Variants in NAALADL1 observed in about 807,000 individuals in gnomAD.
NAALADL1 encodes the protein N-acetylated alpha-linked acidic dipeptidase like 1, also known as aminopeptidase NAALADL1.
A neutral mutation model predicts 82.8 loss-of-function variants in NAALADL1; 77 were observed. The observed-to-expected ratio is 0.93, with a 90% CI of 0.77 to 1.12. The LOEUF is 1.12. Ranked by LOEUF, NAALADL1 falls within the 50% of genes most tolerant of loss-of-function variation. The pLI is 0.00. For synonymous variants in NAALADL1, 358 were observed against 399.2 expected (o/e 0.90, Z 1.23); for missense variants, 956 against 964.0 (o/e 0.99, Z 0.11).
chr11:65,047,739 C>G lies in NAALADL1; in HGVS notation c.1417-1G>C. The G allele has an allele frequency of 6.3e-7, 1 of 1,598,220 alleles. No individual in the cohort carries two copies. On this transcript the variant is annotated splice_acceptor_variant, in intron 11 of 17. Transcript: ENST00000358658. LOFTEE classifies it high-confidence loss of function. ...GGTCGCCAGGGCCTGGTGAGCGGAT[C>G]TGGCCGGAAGGAGAATTTAGTCTCG...
At position 65,047,466 on chromosome 11, in the gene NAALADL1, C is replaced by T. The variant is rs1311822877; in HGVS notation, c.1599+9G>A. ...GTACCGAGGCAGGGACGGAGGGGCG[C>T]CTGCTCACCCGGTCATAGGTATAGG... On this transcript the variant is annotated intron_variant, in intron 13 of 17. Transcript: ENST00000358658. The T allele has an allele frequency of 6.4e-7, 1 of 1,556,016 alleles. No homozygotes were observed. The highest frequency in any genetic ancestry group is 2.4e-5 in the East Asian group (1 of 41,424).
At chr11:65,051,397 T>C (rs554618920) in intron 8 of NAALADL1, among the ~76,000 whole-genome samples, 72 of 144,214 alleles carry the variant, frequency 5.0e-4, no homozygotes, top group African/African-American at 1.8e-3. Context: ...AGTGCAGTAG[T>C]GTGATCACGG....
At chr11:65,046,424 G>T (rs768178232) in intron 14 of NAALADL1, 21 bp downstream of exon 14, 2 of 1,614,152 alleles carry the variant, frequency 1.2e-6, no homozygotes, top group Admixed American at 1.7e-5. Flanking sequence ...GTCTCAGGAT[G>T]CCCCTTGTCT....
rs753725348 is a variant in NAALADL1, at chr11:65,045,472, G to T, written c.2037-15C>A. ...AGAGCACATGGCTGACAAGAGAAAT[G>T]GGACAGGATCAGGGTCAGTCAGTCA... On this transcript the variant is annotated splice_polypyrimidine_tract_variant and intron_variant, in intron 17 of 17. Transcript: ENST00000358658. 1.3e-6 allele frequency: 2 copies of T among 1,592,152 alleles called. No individual in the cohort carries two copies. The highest frequency in any genetic ancestry group is 1.7e-6 in the Non-Finnish European group (2 of 1,166,674).
At chr11:65,047,922 G>A in intron 11 of NAALADL1, 59 bp downstream of exon 11, 2 of 198,518 alleles carry the variant, frequency 1.0e-5, no homozygotes, top group South Asian at 5.4e-5. Flanking sequence ...TAGCGGCCCC[G>A]TCCGCCGCAC....
chr11:65,056,388 TTTTG>T lies in NAALADL1; in HGVS notation c.603+979_603+982del, dbSNP rs1010718022. ...TCTCATTCTACTCTTTTTATATTAA[TTTTG>T]TTTGTTTGTTTGTTTTTTGTTTTTA... On this transcript the variant is annotated intron_variant, in intron 4 of 17. Coordinates refer to ENST00000358658, the MANE Select transcript of NAALADL1 (RefSeq NM_005468.3). Among the ~76,000 whole-genome samples, 16 of 152,076 alleles carry T rather than the reference TTTTG, an allele frequency of 1.1e-4. No homozygotes were observed. In the East Asian group the frequency reaches 1.9e-3, roughly 18 times the overall value.
chr11:65,058,407 C>A lies in NAALADL1; in HGVS notation c.115G>T (p.Asp39Tyr). 6.2e-7 allele frequency: 1 copy of A among 1,614,150 alleles called. No individual in the cohort carries two copies. Among genetic ancestry groups the A allele is most frequent in the East Asian group, 2.2e-5 (1 of 44,884 alleles). The change falls in exon 1 of 18, where the codon GAC becomes TAC. Residue 39 changes from aspartate (D) to tyrosine (Y), a missense_variant. By Grantham distance (160) the Asp-to-Tyr change is radical. Transcript: ENST00000358658. ...PKKANSLAPQ[D>Y]LDLEILETVM... is the part of the protein sequence containing the mutation. ...GTCTCCAGGATCTCCAGGTCCAGGT[C>A]CTGGGGGGCCAGTGAGTTGGCTTTT...
intron 3 of NAALADL1, 61 bp from the exon 4 acceptor site, chr11:65,057,554 G>A: frequency 1.3e-6 from 2 of 1,563,112 alleles, no homozygotes; most frequent in Non-Finnish European, 8.7e-7. Flanking sequence ...TGGGGAAGGG[G>A]GGTGGAAGTT....
At position 65,045,291 on chromosome 11, in the gene NAALADL1, T is replaced by C; in HGVS notation, c.2203A>G (p.Arg735Gly). Residue 735 changes from arginine to glycine, a missense_variant, in exon 18 of 18, where the codon AGG (arginine) becomes GGG (glycine). By Grantham distance (125) the Arg-to-Gly change is moderately radical. Coordinates refer to ENST00000358658, the MANE Select transcript of NAALADL1 (RefSeq NM_005468.3). ...TGGGGTCAGAGGTCAGCCACAGGCC[T>C]CAGGGTGGCTGCCGCACCCTCCAGG... ...TALEGAAATLRPVADL is the reference protein window; with the variant it reads ...TALEGAAATLGPVADL 1 of 1,608,172 alleles carries C rather than the reference T, an allele frequency of 6.2e-7. No individual in the cohort carries two copies. Among genetic ancestry groups the C allele is most frequent in the Non-Finnish European group, 8.5e-7 (1 of 1,176,390 alleles).
In NAALADL1 at chr11:65,054,675, T is replaced by C; in HGVS notation, c.667A>G (p.Asn223Asp). ...TCGTCGGGTGAGCTCAGCCCATCGT[T>C]GATGTCGGCAGGGTCTGTGTACACC... ...VLVYTDPADI[N>D]DGLSSPDETF... Residue 223 changes from asparagine (N) to aspartate (D), a missense_variant, in exon 5 of 18, where the codon AAC (asparagine) becomes GAC (aspartate). Coordinates refer to ENST00000358658, the MANE Select transcript of NAALADL1 (RefSeq NM_005468.3). The surrounding 1 kb of genome is among the most constrained non-coding windows in gnomAD (Gnocchi z 4.3). 6.2e-7 allele frequency: 1 copy of C among 1,614,150 alleles called. No homozygotes were observed. The highest frequency in any genetic ancestry group is 1.3e-5 in the African/African-American group (1 of 75,032).
rs1946903625 is a variant in NAALADL1, at chr11:65,052,072, C to T, written c.1198+1146G>A. 2.6e-5 allele frequency among the ~76,000 whole-genome samples: 4 copies of T among 152,148 alleles called. No homozygotes were observed. In the South Asian group the frequency reaches 8.3e-4, roughly 32 times the overall value. Reference sequence around the variant, plus strand: ...ATTAATATGGGAAGACCCAGATTCACATCTTCCTTCTAGATCTGTCCTAGA... The same window carrying T: ...ATTAATATGGGAAGACCCAGATTCATATCTTCCTTCTAGATCTGTCCTAGA... On this transcript the variant is annotated intron_variant, in intron 8 of 17. Transcript: ENST00000358658.
At chr11:65,047,906 C>T in intron 11 of NAALADL1, 75 bp downstream of exon 11, 1 of 1,292,238 alleles carries the variant, frequency 7.7e-7, no homozygotes, top group Non-Finnish European at 1.1e-6. Context: ...CAGCCCCGCC[C>T]ACCCGTAGCG....
intron 8 of NAALADL1, among the ~76,000 whole-genome samples, chr11:65,048,715 T>C (rs887171560): frequency 6.6e-6 from 1 of 152,132 alleles, no homozygotes; most frequent in Admixed American, 6.5e-5. Flanking sequence ...CACTTGGTGA[T>C]AACACAGGAA....
chr11:65,045,916 T>C lies in NAALADL1; in HGVS notation c.1944-2A>G. On this transcript the variant is annotated splice_acceptor_variant, in intron 16 of 17. Coordinates refer to ENST00000358658, the MANE Select transcript of NAALADL1 (RefSeq NM_005468.3). LOFTEE classifies it high-confidence loss of function. Reference sequence around the variant, plus strand: ...TTGAGCATCCGGACCTGCAGGGGGCTGGTGGGGAGGCAGGAACTGCCAGTC... The same window carrying C: ...TTGAGCATCCGGACCTGCAGGGGGCCGGTGGGGAGGCAGGAACTGCCAGTC... 1 of 1,613,950 alleles carries C rather than the reference T, an allele frequency of 6.2e-7. No homozygotes were observed. Among genetic ancestry groups the C allele is most frequent in the Non-Finnish European group, 8.5e-7 (1 of 1,179,952 alleles).
chr11:65,055,436 C>CA (rs886468233), intron 4 of NAALADL1, among the ~76,000 whole-genome samples: 1 of 151,568 alleles, frequency 6.6e-6, no homozygotes, highest in African/African-American at 2.4e-5. Flanking sequence ...GACTCTGTCT[C>CA]AAAAAAACCC....
rs780105843 is a variant in NAALADL1 at position 65,047,744 on chromosome 11, C to T, written c.1417-6G>A. The T allele has an allele frequency of 1.6e-5, 26 of 1,595,302 alleles. No individual in the cohort carries two copies. Among genetic ancestry groups the T allele is most frequent in the Non-Finnish European group, 2.1e-5 (25 of 1,172,088 alleles). ...CCAGGGCCTGGTGAGCGGATCTGGCCGGAAGGAGAATTTAGTCTCGGTGCG... is the reference window on the plus strand; with the variant it reads ...CCAGGGCCTGGTGAGCGGATCTGGCTGGAAGGAGAATTTAGTCTCGGTGCG... On this transcript the variant is annotated splice_region_variant and splice_polypyrimidine_tract_variant and intron_variant, in intron 11 of 17. Transcript: ENST00000358658.
chr11:65,058,663 C>T (rs1415841501), upstream of NAALADL1: 10 of 784,010 alleles, frequency 1.3e-5, no homozygotes, highest in East Asian at 5.5e-5. Context: ...GGGAACATCC[C>T]GCAGTGAGAG....
chr11:65,058,466 A>G lies in NAALADL1; in HGVS notation c.56T>C (p.Leu19Pro). 1 of 1,613,166 alleles carries G rather than the reference A, an allele frequency of 6.2e-7. No homozygotes were observed. The highest frequency in any genetic ancestry group is 8.5e-7 in the Non-Finnish European group (1 of 1,179,666). ...LGLGAAALLG[L>P]GIILGHFAIP... ...GGCAAAGTGGCCGAGGATGATCCCCAGCCCCAAGAGGGCAGCAGCCCCCAG... is the reference window on the plus strand; with the variant it reads ...GGCAAAGTGGCCGAGGATGATCCCCGGCCCCAAGAGGGCAGCAGCCCCCAG... Residue 19 changes from leucine (L) to proline (P), a missense_variant, in exon 1 of 18, where the codon CTG becomes CCG. Transcript: ENST00000358658.
intron 8 of NAALADL1, among the ~76,000 whole-genome samples, chr11:65,050,206 C>T (rs569963408): frequency 2.6e-5 from 4 of 151,660 alleles, no homozygotes; most frequent in South Asian, 2.1e-4. Context: ...GGGGCTGGCG[C>T]GGTGACTCAC....
Sources: gnomAD v4.1 joint callset for allele counts (sites outside exome capture counted in the v4.1 genomes callset) on GRCh38, gnomAD v4.1.1 for gene constraint, Gnocchi (gnomAD v3.1) non-coding constraint, MANE v1.5 for transcripts, NCBI Gene and HGNC (gene_info 2026-07-23, HGNC 2026-07-21) for gene names.